Variants in NME7 observed in about 807,000 individuals in gnomAD.
NME7 encodes the protein NME/NM23 family member 7.
In NME7, 41 loss-of-function variants were observed where a neutral mutation model predicts 49.1. That is an observed-to-expected ratio of 0.83 (90% CI 0.65 to 1.08). The LOEUF (loss-of-function observed/expected upper bound fraction) is 1.08. Ranked by LOEUF, NME7 falls within the 50% of genes least tolerant of loss-of-function variation. NME7 has a pLI of 0.00. For synonymous variants in NME7, 139 were observed against 150.6 expected (o/e 0.92, Z 0.56); for missense variants, 423 against 463.4 (o/e 0.91, Z 0.80).
At chr1:169,364,108 T>G (rs1653762946) in intron 1 of NME7, among the ~76,000 whole-genome samples, 1 of 152,220 alleles carries the variant, frequency 6.6e-6, no homozygotes, top group Admixed American at 6.5e-5. Flanking sequence ...TTGTATTCTC[T>G]CAGACCACTT....
chr1:169,164,358 C>T (rs1411739444), intron 11 of NME7, among the ~76,000 whole-genome samples: 3 of 152,046 alleles, frequency 2.0e-5, no homozygotes, highest in Non-Finnish European at 4.4e-5. Context: ...AAATCTCTTC[C>T]CTACTATGTG....
chr1:169,135,014 CAAAAAAAAAAAAAA>C (rs58463903), intron 11 of NME7, among the ~76,000 whole-genome samples: 13 of 50,390 alleles, frequency 2.6e-4, no homozygotes, highest in Admixed American at 7.1e-4. Flanking sequence ...CCCGTCTCTA[CAAAAAAAAAAAAAA>C]AAAAAAAAAA....
At chr1:169,342,915 A>ATATATATATACAAGTACATATATAGTGTG (rs1196718143) in intron 1 of NME7, among the ~76,000 whole-genome samples, 1 of 93,918 alleles carries the variant, frequency 1.1e-5, no homozygotes, top group East Asian at 6.9e-4. Context: ...TATATAGTGT[A>ATATATATATACAAGTACATATATAGTGTG]TATATATATA....
chr1:169,279,032 T>G (rs555928687), intron 7 of NME7, among the ~76,000 whole-genome samples: 5 of 152,184 alleles, frequency 3.3e-5, no homozygotes, highest in Non-Finnish European at 7.3e-5. Context: ...GCTGACTGAT[T>G]GTTCCTCTTG....
intron 10 of NME7, among the ~76,000 whole-genome samples, chr1:169,210,151 A>C (rs1366519635): frequency 6.6e-6 from 1 of 152,166 alleles, no homozygotes; most frequent in South Asian, 2.1e-4. Context: ...AGTAAATCTC[A>C]ATCTAACAAA....
chr1:169,176,951 T>C (rs1186192300), intron 10 of NME7, among the ~76,000 whole-genome samples: 1 of 152,124 alleles, frequency 6.6e-6, no homozygotes, highest in Non-Finnish European at 1.5e-5. Context: ...TCTAAATACA[T>C]TTTAAGACAT....
At chr1:169,349,781 CT>C (rs1252338451) in intron 1 of NME7, among the ~76,000 whole-genome samples, 2 of 152,082 alleles carry the variant, frequency 1.3e-5, no homozygotes, top group Non-Finnish European at 2.9e-5. Context: ...CTATAGATTT[CT>C]CATTTGTATT....
chr1:169,191,064 G>A (rs61806212), intron 10 of NME7, among the ~76,000 whole-genome samples: 1,174 of 62,290 alleles, frequency 0.019, 286 homozygotes, highest in Non-Finnish European at 0.036. Flanking sequence ...CACCCGCCTC[G>A]GCCTCCCAAA....
chr1:169,233,204 GA>G (rs748479233), intron 9 of NME7, among the ~76,000 whole-genome samples: 15 of 151,886 alleles, frequency 9.9e-5, no homozygotes, highest in Non-Finnish European at 2.1e-4. Flanking sequence ...AATAATAGGG[GA>G]AAAATATAAG....
At chr1:169,257,578 T>G (rs895747254) in intron 7 of NME7, among the ~76,000 whole-genome samples, 2 of 134,362 alleles carry the variant, frequency 1.5e-5, no homozygotes, top group African/African-American at 5.0e-5. Flanking sequence ...TTCGGCCATC[T>G]TGGCTCCTCC....
At chr1:169,192,174 C>T (rs1179699695) in intron 10 of NME7, among the ~76,000 whole-genome samples, 2 of 151,994 alleles carry the variant, frequency 1.3e-5, no homozygotes, top group Non-Finnish European at 2.9e-5. Flanking sequence ...TGACAACTGC[C>T]AGGTGAGAGG....
At chr1:169,241,725 C>T (rs1320280198) in intron 7 of NME7, among the ~76,000 whole-genome samples, 2 of 151,648 alleles carry the variant, frequency 1.3e-5, no homozygotes, top group African/African-American at 4.8e-5. Context: ...TTTACTCAGA[C>T]TTTAAAAATC....
rs555908019 is a variant in NME7 at position 169,250,124 on chromosome 1, T to G, written c.755-12437A>C. On this transcript the variant is annotated intron_variant, in intron 7 of 11. Transcript: ENST00000367811. The stretch of plus-strand genomic sequence containing the variant: ...CCAAGCTATTTTTTTTTCTTGGCAA[T>G]TGTTTTGATTAGTGATTCAATCGCA... 3.3e-5 allele frequency among the ~76,000 whole-genome samples: 5 copies of G among 152,050 alleles called. No homozygotes were observed. In the South Asian group the frequency reaches 1.0e-3, roughly 32 times the overall value.
intron 10 of NME7, among the ~76,000 whole-genome samples, chr1:169,213,015 C>T (rs1660874275): frequency 6.6e-6 from 1 of 151,854 alleles, no homozygotes; most frequent in Non-Finnish European, 1.5e-5. Context: ...TAAAACAGTT[C>T]CTGAGCATAG....
intron 7 of NME7, chr1:169,284,896 CAT>C (rs1248535491): frequency 6.6e-6 from 1 of 152,036 alleles, no homozygotes; most frequent in Non-Finnish European, 1.5e-5. Flanking sequence ...CTCCTTGCAA[CAT>C]ATTTTTCCTT....
In NME7 at chr1:169,303,176, G is replaced by A. The variant is rs1651017161; in HGVS notation, c.409C>T (p.His137Tyr). 1.3e-6 allele frequency: 2 copies of A among 1,560,748 alleles called. No homozygotes were observed. The highest frequency in any genetic ancestry group is 1.7e-6 in the Non-Finnish European group (2 of 1,147,992). Residue 137 changes from histidine (H) to tyrosine (Y), a missense_variant, in exon 5 of 12, where the codon CAT becomes TAT. By Grantham distance (83) the His-to-Tyr change is moderately conservative. Coordinates refer to ENST00000367811, the MANE Select transcript of NME7 (RefSeq NM_013330.5). ...MLSRKEALDFHVDHQSRPFFN... is the reference protein window; with the variant it reads ...MLSRKEALDFYVDHQSRPFFN... ...AAGGGTCTTGACTGGTGATCTACAT[G>A]AAAATCCAATGCTTCTTTCCTATAA... is the stretch of plus-strand genomic sequence containing the variant.
intron 10 of NME7, among the ~76,000 whole-genome samples, chr1:169,211,195 T>C (rs1000926317): frequency 1.3e-5 from 2 of 152,188 alleles, no homozygotes; most frequent in African/African-American, 4.8e-5. Context: ...TTAAAATAAA[T>C]CTGGAAACAT....
chr1:169,306,250 T>C (rs1336525696), intron 4 of NME7, among the ~76,000 whole-genome samples: 1 of 152,162 alleles, frequency 6.6e-6, no homozygotes, highest in Non-Finnish European at 1.5e-5. Flanking sequence ...TTCCTGCATA[T>C]GGGAAACCAC....
At chr1:169,351,467 T>TA (rs918538268) in intron 1 of NME7, among the ~76,000 whole-genome samples, 35 of 149,346 alleles carry the variant, frequency 2.3e-4, no homozygotes, top group Non-Finnish European at 3.3e-4. Context: ...GTGCCTACAT[T>TA]AAAAAAAAAG....
Sources: allele counts gnomAD v4.1 joint callset (sites outside exome capture counted in the v4.1 genomes callset), GRCh38; gene constraint gnomAD v4.1.1; transcripts MANE v1.5; gene names NCBI Gene and HGNC (gene_info 2026-07-23, HGNC 2026-07-21).